The following MCTP1 variants were observed in gnomAD, a reference collection of about 807,000 sequenced individuals.
MCTP1 encodes multiple C2 and transmembrane domain containing 1.
MCTP1 carries 69 observed loss-of-function variants against 120.6 expected under a neutral mutation model. The ratio of observed to expected loss-of-function variants is 0.57; its 90% CI spans 0.47 to 0.70. MCTP1 has a LOEUF of 0.70. Among genes scored for constraint, MCTP1 ranks in the 30% least tolerant of loss-of-function variants. The pLI, the probability that MCTP1 is intolerant of heterozygous loss-of-function variation, is 0.00. For synonymous variants in MCTP1, 529 were observed against 493.1 expected (o/e 1.07, Z -0.96); for missense variants, 1,203 against 1,248.8 (o/e 0.96, Z 0.55).
intron 19 of MCTP1, among the ~76,000 whole-genome samples, chr5:94,751,180 C>T (rs571163441): frequency 2.4e-4 from 36 of 152,080 alleles, no homozygotes; most frequent in African/African-American, 7.2e-4. Context: ...GTCAGTAGAG[C>T]GACCAAGGGC....
At position 95,007,785 on chromosome 5, in the gene MCTP1, C is replaced by T. The variant is rs566685662; in HGVS notation, c.838+9582G>A. On this transcript the variant is annotated intron_variant, in intron 2 of 22. Coordinates refer to ENST00000515393, the MANE Select transcript of MCTP1 (RefSeq NM_024717.7). ...TCTAAAACCTTTCCCATTCCCCAGG[C>T]TTTTACATTCTTATTCCACCTTGAA... Among the ~76,000 whole-genome samples the T allele has an allele frequency of 6.6e-5, 10 of 152,284 alleles. No homozygotes were observed. In the South Asian group the frequency reaches 2.1e-3, roughly 32 times the overall value.
chr5:95,188,661 T>A (rs1052278150), intron 1 of MCTP1, among the ~76,000 whole-genome samples: 8 of 152,160 alleles, frequency 5.3e-5, no homozygotes, highest in African/African-American at 1.4e-4. Context: ...GGAGAATATA[T>A]TACTCATTTC....
chr5:94,808,681 C>CTA lies in MCTP1; in HGVS notation c.2437-9550_2437-9549insTA, dbSNP rs1465768743. ...AAAAAAATCAAAGTGCACTATCTAC[C>CTA]AAATGACTCTATATTGAGTAGGCAA... On this transcript the variant is annotated intron_variant, in intron 17 of 22. Transcript: ENST00000515393. Among the ~76,000 whole-genome samples the CTA allele has an allele frequency of 2.0e-3, 309 of 152,096 alleles. 2 individuals carry two copies. The highest frequency in any genetic ancestry group is 6.4e-3 in the African/African-American group (267 of 41,492).
chr5:95,078,935 A>C (rs1220334977), intron 1 of MCTP1, among the ~76,000 whole-genome samples: 1 of 152,190 alleles, frequency 6.6e-6, no homozygotes, highest in Non-Finnish European at 1.5e-5. Context: ...AGGCATTATT[A>C]TTATTTTCAT....
At chr5:94,870,817 G>T in intron 15 of MCTP1, 55 bp downstream of exon 15, 1 of 1,178,764 alleles carries the variant, frequency 8.5e-7, no homozygotes, top group East Asian at 2.3e-5. Flanking sequence ...AGGAACAAAA[G>T]CTTTCATGAA....
At chr5:94,729,917 C>G (rs1334501151) in intron 19 of MCTP1, among the ~76,000 whole-genome samples, 1 of 152,154 alleles carries the variant, frequency 6.6e-6, no homozygotes. Flanking sequence ...GTTACTAGCT[C>G]TTACACAGAA....
chr5:95,038,604 A>G (rs547698324), intron 1 of MCTP1, among the ~76,000 whole-genome samples: 1 of 152,204 alleles, frequency 6.6e-6, no homozygotes, highest in South Asian at 2.1e-4. Context: ...GACAAACTAC[A>G]TCATGGAAGG....
intron 1 of MCTP1, among the ~76,000 whole-genome samples, chr5:95,061,002 ATT>A (rs35187920): frequency 0.081 from 8,733 of 107,284 alleles, 246 homozygotes; most frequent in East Asian, 0.11. Context: ...TCAAATGTAC[ATT>A]TTTTTTTTTT....
At chr5:95,282,978 G>GA (rs1263391736) in intron 1 of MCTP1, among the ~76,000 whole-genome samples, 2 of 152,186 alleles carry the variant, frequency 1.3e-5, no homozygotes, top group African/African-American at 2.4e-5. Context: ...TATATTGGGA[G>GA]AAAAATGTTC....
chr5:95,108,392 G>A (rs1303650951), intron 1 of MCTP1, among the ~76,000 whole-genome samples: 1 of 151,878 alleles, frequency 6.6e-6, no homozygotes, highest in Admixed American at 6.6e-5. Context: ...CACTGTCACA[G>A]AGCAACCTCA....
At chr5:94,833,616 T>C (rs1789047401) in intron 17 of MCTP1, among the ~76,000 whole-genome samples, 1 of 152,202 alleles carries the variant, frequency 6.6e-6, no homozygotes, top group South Asian at 2.1e-4. Context: ...TATATGCATG[T>C]TCCTAAATTA....
intron 1 of MCTP1, among the ~76,000 whole-genome samples, chr5:95,091,615 C>T (rs993256255): frequency 6.6e-6 from 1 of 152,154 alleles, no homozygotes; most frequent in Non-Finnish European, 1.5e-5. Flanking sequence ...AGCCCTGAGA[C>T]CACAAGAAGA....
intron 1 of MCTP1, among the ~76,000 whole-genome samples, chr5:95,053,026 C>T (rs1377466661): frequency 6.6e-6 from 1 of 152,140 alleles, no homozygotes; most frequent in Non-Finnish European, 1.5e-5. Context: ...AAGAAATACT[C>T]TCAATACTAA....
At chr5:95,186,795 G>C (rs1749256737) in intron 1 of MCTP1, among the ~76,000 whole-genome samples, 1 of 152,194 alleles carries the variant, frequency 6.6e-6, no homozygotes. Flanking sequence ...TAGTGTTTTA[G>C]GGAACAGACT....
At chr5:95,259,330 AC>A (rs1758234951) in intron 1 of MCTP1, among the ~76,000 whole-genome samples, 1 of 152,176 alleles carries the variant, frequency 6.6e-6, no homozygotes, top group Admixed American at 6.5e-5. Context: ...CGAAAGGTGA[AC>A]ACCACCCTTG....
chr5:94,901,634 C>T (rs1581254990), intron 10 of MCTP1, among the ~76,000 whole-genome samples: 1 of 151,728 alleles, frequency 6.6e-6, no homozygotes, highest in African/African-American at 2.4e-5. Flanking sequence ...AAACTATATA[C>T]ATTTGAACTA....
At chr5:94,767,588 C>T (rs1162940515) in intron 19 of MCTP1, among the ~76,000 whole-genome samples, 2 of 152,004 alleles carry the variant, frequency 1.3e-5, no homozygotes, top group Admixed American at 6.6e-5. Flanking sequence ...AATCAACATA[C>T]AAAAATCAGT....
chr5:94,802,332 G>A (rs1435104420), intron 17 of MCTP1, among the ~76,000 whole-genome samples: 3 of 152,108 alleles, frequency 2.0e-5, no homozygotes, highest in East Asian at 3.8e-4. Context: ...TGTATTTATT[G>A]AACATATATG....
intron 6 of MCTP1, 85 bp downstream of exon 6, chr5:94,931,868 C>T: frequency 9.8e-7 from 1 of 1,019,090 alleles, no homozygotes; most frequent in Non-Finnish European, 1.5e-6. Flanking sequence ...TGGTAGCATA[C>T]TTTGAAGAGA....
Sources: allele counts gnomAD v4.1 joint callset (sites outside exome capture counted in the v4.1 genomes callset), GRCh38; gene constraint gnomAD v4.1.1; transcripts MANE v1.5; gene names NCBI Gene and HGNC (gene_info 2026-07-23, HGNC 2026-07-21).